CNTNAP2: variants seen among roughly 807,000 people sequenced by gnomAD.
CNTNAP2 encodes contactin-associated protein-like 2.
CNTNAP2 carries 98 observed loss-of-function variants against 155.2 expected under a neutral mutation model. The observed-to-expected ratio is 0.63, with a 90% CI of 0.54 to 0.75. The LOEUF is 0.75. Among genes scored for constraint, CNTNAP2 ranks in the 30% least tolerant of loss-of-function variants. The pLI is 0.00. For synonymous variants in CNTNAP2, 651 were observed against 631.2 expected, an observed-to-expected ratio of 1.03 and a Z score of -0.47; for missense variants, 1,727 against 1,688.1, an observed-to-expected ratio of 1.02 and a Z score of -0.40.
At chr7:147,336,245 TTTG>T (rs1795662342) in intron 9 of CNTNAP2, among the ~76,000 whole-genome samples, 1 of 151,654 alleles carries the variant, frequency 6.6e-6, no homozygotes, top group Non-Finnish European at 1.5e-5. Flanking sequence ...ACCTGAGAGG[TTTG>T]CTGTTGTTGT....
In CNTNAP2 at chr7:148,227,352, A is replaced by G. The variant is rs1202305454; in HGVS notation, c.3248-2294A>G. Reference sequence around the variant, plus strand: ...GGACGGGTTTGGAGGCAGCAAGTGTACCCATCTCTTTTCATGGGGTTCGGA... The same window carrying G: ...GGACGGGTTTGGAGGCAGCAAGTGTGCCCATCTCTTTTCATGGGGTTCGGA... On this transcript the variant is annotated intron_variant, in intron 19 of 23. Coordinates refer to ENST00000361727, the MANE Select transcript of CNTNAP2 (RefSeq NM_014141.6). 3.3e-5 allele frequency among the ~76,000 whole-genome samples: 5 copies of G among 152,172 alleles called. No homozygotes were observed. In the East Asian group the frequency reaches 7.7e-4, roughly 23 times the overall value.
rs191938606 is a variant in CNTNAP2 at position 146,392,447 on chromosome 7, A to G, written c.97+275474A>G. ...GGATGAATCAAAATTAATTACAAAT[A>G]ATCCTCTAAACGTTTGACCAAATCA... On this transcript the variant is annotated intron_variant, in intron 1 of 23. Coordinates refer to ENST00000361727, the MANE Select transcript of CNTNAP2 (RefSeq NM_014141.6). 1.4e-4 allele frequency among the ~76,000 whole-genome samples: 22 copies of G among 152,348 alleles called. No homozygotes were observed. In the East Asian group the frequency reaches 3.7e-3, roughly 25 times the overall value.
At chr7:148,073,759 T>G (rs1302570498) in intron 15 of CNTNAP2, among the ~76,000 whole-genome samples, 1 of 151,974 alleles carries the variant, frequency 6.6e-6, no homozygotes, top group Non-Finnish European at 1.5e-5. Context: ...CTGTGTAGTC[T>G]TCTTTTATGT....
At chr7:146,231,802 G>T (rs1207405657) in intron 1 of CNTNAP2, among the ~76,000 whole-genome samples, 4 of 152,296 alleles carry the variant, frequency 2.6e-5, no homozygotes, top group African/African-American at 9.6e-5. Flanking sequence ...TATCCTGGAA[G>T]AATTCCCTGG....
At chr7:146,571,734 CTTTT>C (rs376437154) in intron 1 of CNTNAP2, among the ~76,000 whole-genome samples, 13 of 137,644 alleles carry the variant, frequency 9.4e-5, no homozygotes, top group Non-Finnish European at 9.5e-5. Context: ...TCTTTTCTTT[CTTTT>C]TTTTTTTTTT....
chr7:147,601,643 AAATAT>A (rs1476925890), intron 12 of CNTNAP2, among the ~76,000 whole-genome samples: 56 of 88,552 alleles, frequency 6.3e-4, no homozygotes, highest in African/African-American at 2.3e-3. Flanking sequence ...TCTTAAAAAA[AAATAT>A]ATATATATAT....
intron 4 of CNTNAP2, chr7:147,097,477 AG>A (rs1256000079): frequency 2.0e-5 from 3 of 152,228 alleles, no homozygotes; most frequent in Non-Finnish European, 2.9e-5. Flanking sequence ...CGGAAGGTGG[AG>A]GGGACCTTGA....
chr7:148,155,891 G>C (rs1291928864), intron 17 of CNTNAP2, among the ~76,000 whole-genome samples: 1 of 152,138 alleles, frequency 6.6e-6, no homozygotes, highest in East Asian at 1.9e-4. Flanking sequence ...ATGTGGAAAG[G>C]TGCGGTGACA....
intron 4 of CNTNAP2, among the ~76,000 whole-genome samples, chr7:147,046,938 A>C (rs1799371003): frequency 6.7e-6 from 1 of 148,908 alleles, no homozygotes. Context: ...AGGCTGAAGC[A>C]GGAGAATGGC....
At chr7:146,599,481 A>G (rs578152947) in intron 1 of CNTNAP2, among the ~76,000 whole-genome samples, 3 of 152,120 alleles carry the variant, frequency 2.0e-5, no homozygotes, top group South Asian at 4.2e-4. Context: ...TGTGCCTAGA[A>G]CTATCCACTT....
chr7:147,462,275 C>T (rs1322999671), intron 10 of CNTNAP2, among the ~76,000 whole-genome samples: 3 of 152,294 alleles, frequency 2.0e-5, no homozygotes, highest in South Asian at 2.1e-4. Context: ...CTGCATTGCA[C>T]GGAATTTGCC....
intron 1 of CNTNAP2, among the ~76,000 whole-genome samples, chr7:146,633,173 A>T (rs1048526292): frequency 1.3e-5 from 2 of 152,160 alleles, no homozygotes; most frequent in African/African-American, 4.8e-5. Flanking sequence ...CACCCCGTAG[A>T]TTATACTTTT....
At chr7:147,557,799 G>T (rs112597874) in intron 11 of CNTNAP2, among the ~76,000 whole-genome samples, 1 of 152,048 alleles carries the variant, frequency 6.6e-6, no homozygotes, top group African/African-American at 2.4e-5. Flanking sequence ...ATTACTATTA[G>T]GTTGCTACAA....
chr7:147,301,592 CTGTGTGTGTGTGTGTGTGTGTGTGTGTG>C (rs10585570), intron 9 of CNTNAP2, among the ~76,000 whole-genome samples: 7 of 101,772 alleles, frequency 6.9e-5, no homozygotes, highest in Admixed American at 2.0e-4. Flanking sequence ...CTCTCTCTCT[CTGTGTGTGTGTGTGTGTGTGTGTGTGTG>C]TGTGTGTGTG....
chr7:146,258,025 G>A (rs1330160040), intron 1 of CNTNAP2, among the ~76,000 whole-genome samples: 1 of 151,944 alleles, frequency 6.6e-6, no homozygotes, highest in Admixed American at 6.6e-5. Context: ...CAAGTAGCTG[G>A]GATTATAGGT....
At chr7:147,026,730 G>A (rs1040112714) in intron 3 of CNTNAP2, among the ~76,000 whole-genome samples, 2 of 151,640 alleles carry the variant, frequency 1.3e-5, no homozygotes, top group East Asian at 3.9e-4. Context: ...GATTACCACT[G>A]TTTTATTCTC....
intron 9 of CNTNAP2, among the ~76,000 whole-genome samples, chr7:147,336,587 T>C (rs12703904): frequency 0.38 from 58,243 of 151,926 alleles, 11,534 homozygotes; most frequent in South Asian, 0.49. Flanking sequence ...GTGGAAGAGA[T>C]CTTGGAATCC....
chr7:146,179,601 C>G (rs1169308981), intron 1 of CNTNAP2, among the ~76,000 whole-genome samples: 1 of 151,992 alleles, frequency 6.6e-6, no homozygotes, highest in African/African-American at 2.4e-5. Context: ...TGAAGGTATC[C>G]TAGAGATCCT....
intron 1 of CNTNAP2, among the ~76,000 whole-genome samples, chr7:146,565,146 CAT>C (rs1309766248): frequency 6.6e-6 from 1 of 151,868 alleles, no homozygotes; most frequent in Non-Finnish European, 1.5e-5. Context: ...CACACACACA[CAT>C]ACACACACAC....
Sources: allele counts gnomAD v4.1 joint callset (sites outside exome capture counted in the v4.1 genomes callset), GRCh38; gene constraint gnomAD v4.1.1; transcripts MANE v1.5; gene names NCBI Gene and HGNC (gene_info 2026-07-23, HGNC 2026-07-21).